OPLAH: variants seen among roughly 807,000 people sequenced by gnomAD.
The protein encoded by OPLAH is 5-oxoprolinase, ATP-hydrolysing, also known as 5-oxoprolinase.
A neutral mutation model predicts 122.8 loss-of-function variants in OPLAH; 103 were observed. The ratio of observed to expected loss-of-function variants is 0.84; its 90% CI spans 0.71 to 0.99. The LOEUF is 0.99. Ranked by LOEUF, OPLAH falls within the 50% of genes least tolerant of loss-of-function variation. The pLI is 0.00. For missense variants in OPLAH, 1,902 were observed against 1,836.5 expected, an observed-to-expected ratio of 1.04 and a Z score of -0.65; for synonymous variants, 875 against 796.0, an observed-to-expected ratio of 1.10 and a Z score of -1.67.
Position 144,051,661 on chromosome 8 carries a change from C to A in OPLAH, c.3720+68G>T, listed in dbSNP as rs1587549071. On this transcript the variant is annotated intron_variant, in intron 26 of 26. Transcript: ENST00000618853. ...GCCTCTGGTCAGGTCTGCAACTGTT[C>A]CCCCTCTGTGGGATGGGGCCGGGAG... 3.0e-6 allele frequency: 4 copies of A among 1,353,012 alleles called. No individual in the cohort carries two copies. In the Admixed American group the frequency reaches 7.9e-5, roughly 27 times the overall value. The allele number at this position is 1,353,012 out of a possible 1,614,324, so 83.8% of individuals were successfully genotyped here.
At chr8:144,057,167 C>T (rs930510834) in intron 11 of OPLAH, 41 bp downstream of exon 11, 15 of 1,599,806 alleles carry the variant, frequency 9.4e-6, no homozygotes, top group South Asian at 3.4e-5. Flanking sequence ...CCAAGCCCGG[C>T]GCAGATCACA....
Position 144,052,536 on chromosome 8 carries a change from CT to C in OPLAH, c.3215del (p.Glu1072GlyfsTer33), listed in dbSNP as rs1835408756. On this transcript the variant is annotated frameshift_variant, in exon 23 of 27. Transcript: ENST00000618853. LOFTEE classifies it high-confidence loss of function. Reference sequence around the variant, plus strand: ...GCACGTTGCCGCCCACCACCGCCGCCTCGGGCGACGGGTCCAGGATGGAGCC... The same window carrying C: ...GCACGTTGCCGCCCACCACCGCCGCCCGGGCGACGGGTCCAGGATGGAGCC... ...PRGSILDPSP[E>X]AAVVGGNVLT... 6.3e-7 allele frequency: 1 copy of C among 1,593,214 alleles called. No individual in the cohort carries two copies. The highest frequency in any genetic ancestry group is 8.5e-7 in the Non-Finnish European group (1 of 1,176,004).
At chr8:144,056,575 G>A in intron 13 of OPLAH, 43 bp downstream of exon 13, 1 of 1,612,338 alleles carries the variant, frequency 6.2e-7, no homozygotes, top group Admixed American at 1.7e-5. Context: ...CGGCCAGACA[G>A]GAGGGCCCCT....
intron 3 of OPLAH, among the ~76,000 whole-genome samples, chr8:144,059,325 C>T (rs1387198364): frequency 1.3e-5 from 2 of 152,324 alleles, no homozygotes; most frequent in African/African-American, 2.4e-5. Context: ...GCAGTAGGTG[C>T]GGGGTTCCAC....
At chr8:144,060,479 A>T (rs938492479) in intron 1 of OPLAH, among the ~76,000 whole-genome samples, 174 bp downstream of exon 1, 2 of 152,082 alleles carry the variant, frequency 1.3e-5, no homozygotes, top group African/African-American at 4.8e-5. Context: ...TCGACCTTCG[A>T]CCCAAGCCTG....
rs941213182 is a variant in OPLAH at position 144,054,621 on chromosome 8, G to T, written c.2626C>A (p.Gln876Lys). 3 of 1,609,478 alleles carry T rather than the reference G, an allele frequency of 1.9e-6. No individual in the cohort carries two copies. Among genetic ancestry groups the T allele is most frequent in the Non-Finnish European group, 2.5e-6 (3 of 1,177,282 alleles). ...SMPPHSTMLQ[Q>K]EGAVFLSFKL... Reference sequence around the variant, plus strand: ...AAGGACAGAAAGACGGCACCCTCCTGTTGCAGCATGGTGGAGTGGGGGGGC... The same window carrying T: ...AAGGACAGAAAGACGGCACCCTCCTTTTGCAGCATGGTGGAGTGGGGGGGC... The change falls in exon 19 of 27, where the codon CAG becomes AAG. Residue 876 changes from glutamine to lysine, a missense_variant. This residue lies in a region of OPLAH where 1,726 missense variants were observed against 1,642.1 expected (regional missense o/e 1.05). Transcript: ENST00000618853.
chr8:144,060,020 C>T lies in OPLAH; in HGVS notation c.13G>A (p.Glu5Lys), dbSNP rs1554760542. The T allele has an allele frequency of 1.9e-6, 3 of 1,612,104 alleles. No homozygotes were observed. Among genetic ancestry groups the T allele is most frequent in the Non-Finnish European group, 2.5e-6 (3 of 1,179,570 alleles). ...TCGATGGCAAAGTGGAAGCGGCCCT[C>T]GGGGCTGCCCATGGTGGTGGGGCTG... is the stretch of plus-strand genomic sequence containing the variant. The part of the protein sequence containing the change: MGSP[E>K]GRFHFAIDRG... Residue 5 changes from glutamate (E) to lysine (K), a missense_variant, in exon 2 of 27, where the codon GAG (glutamate) becomes AAG (lysine). This residue lies in a region of OPLAH where 168 missense variants were observed against 170.6 expected (regional missense o/e 0.98). Coordinates refer to ENST00000618853, the MANE Select transcript of OPLAH (RefSeq NM_017570.5).
rs1357923010 is a variant in OPLAH, at chr8:144,052,866, G to C, written c.3053C>G (p.Pro1018Arg). The C allele has an allele frequency of 3.2e-6, 5 of 1,554,182 alleles. No homozygotes were observed. Among genetic ancestry groups the C allele is most frequent in the Non-Finnish European group, 4.3e-6 (5 of 1,149,448 alleles). Residue 1018 changes from proline (P) to arginine (R), a missense_variant, in exon 22 of 27, where the codon CCG becomes CGG. By Grantham distance (103) the Pro-to-Arg change is moderately radical (BLOSUM62 -2). Coordinates refer to ENST00000618853, the MANE Select transcript of OPLAH (RefSeq NM_017570.5). Reference sequence around the variant, plus strand: ...TGCGTTGAGATTACCAAACACCTCCGGCCCAGTGCCGCTGAAGTCAAACAC... The same window carrying C: ...TGCGTTGAGATTACCAAACACCTCCCGCCCAGTGCCGCTGAAGTCAAACAC... ...SAVFDFSGTGPEVFGNLNAPR... is the reference protein window; with the variant it reads ...SAVFDFSGTGREVFGNLNAPR...
At chr8:144,052,148 G>A (rs782383992) in intron 24 of OPLAH, 21 bp downstream of exon 24, 1 of 1,555,580 alleles carries the variant, frequency 6.4e-7, no homozygotes, top group Non-Finnish European at 8.7e-7. Flanking sequence ...CGTGCCCCCA[G>A]CCTCCGCGCA....
rs1554759082 is a variant in OPLAH at position 144,056,391 on chromosome 8, C to T, written c.1977G>A (p.Val659=). The change falls in exon 14 of 27, where the codon GTG becomes GTA. Residue 659 remains valine, a synonymous_variant. Transcript: ENST00000618853. ...CACAGGCAGGACCACCAACCTTGTC[C>T]ACCCGGGGAGGCCCGGTCTGGGCTT... ...APKAQTGPPR[V]DKMTQCYFEG... 1.2e-6 allele frequency: 2 copies of T among 1,604,442 alleles called. No homozygotes were observed. Among genetic ancestry groups the T allele is most frequent in the Non-Finnish European group, 1.7e-6 (2 of 1,175,958 alleles).
chr8:144,054,522 C>T (rs1220158391), intron 19 of OPLAH, 39 bp downstream of exon 19: 3 of 1,533,744 alleles, frequency 2.0e-6, no homozygotes, highest in Middle Eastern at 3.6e-4. Flanking sequence ...CCATGTGTCC[C>T]AGCCTACAGA....
Position 144,056,127 on chromosome 8 carries a change from C to G in OPLAH, c.2096+20G>C. ...AGTGGACCCGTCCACATCCTCCACC[C>G]TGGCCGGACTTCAGCCCACCTGTTA... On this transcript the variant is annotated intron_variant, in intron 15 of 26. Transcript: ENST00000618853. The G allele has an allele frequency of 2.5e-6, 4 of 1,596,580 alleles. No individual in the cohort carries two copies. The highest frequency in any genetic ancestry group is 3.4e-6 in the Non-Finnish European group (4 of 1,167,046).
chr8:144,051,348 C>G lies in OPLAH; in HGVS notation c.3845G>C (p.Arg1282Pro). 1 of 1,611,420 alleles carries G rather than the reference C, an allele frequency of 6.2e-7. No homozygotes were observed. The highest frequency in any genetic ancestry group is 8.5e-7 in the Non-Finnish European group (1 of 1,179,290). Residue 1282 changes from arginine (R) to proline (P), a missense_variant, in exon 27 of 27, where the codon CGC becomes CCC. By Grantham distance (103) the Arg-to-Pro change is moderately radical. Around this residue, in one of 3 missense-constraint regions of OPLAH, gnomAD observed 1,726 missense variants for 1,642.1 expected, o/e 1.05. Coordinates refer to ENST00000618853, the MANE Select transcript of OPLAH (RefSeq NM_017570.5). ...FPEHGSVYEY[R>P]RAQEAV ...TCCTCACACGGCCTCCTGGGCCCGG[C>G]GATACTCATAGACGCTGCCGTGCTC...
chr8:144,057,368 A>G, intron 10 of OPLAH, 48 bp from the exon 11 acceptor site: 1 of 1,583,586 alleles, frequency 6.3e-7, no homozygotes, highest in Non-Finnish European at 8.6e-7. Context: ...TACCCCATCC[A>G]GCCCCCAGCC....
At position 144,058,727 on chromosome 8, in the gene OPLAH, C is replaced by T. The variant is rs782113457; in HGVS notation, c.588-36G>A. The T allele has an allele frequency of 5.1e-6, 8 of 1,581,570 alleles. No homozygotes were observed. In the Admixed American group the frequency reaches 5.2e-5, roughly 10 times the overall value. On this transcript the variant is annotated intron_variant, in intron 5 of 26. Coordinates refer to ENST00000618853, the MANE Select transcript of OPLAH (RefSeq NM_017570.5). ...AACCCAGTGGCACCTCGTCTCCCAC[C>T]AGGCCCGGCACCTGCTCCCGCAGCC...
rs782556478 is a variant in OPLAH, at chr8:144,051,830, C to A, written c.3623-4G>T. The A allele has an allele frequency of 7.4e-7, 1 of 1,344,392 alleles. No individual in the cohort carries two copies. The highest frequency in any genetic ancestry group is 9.6e-7 in the Non-Finnish European group (1 of 1,043,524). 83.3% of individuals were successfully genotyped at this position (1,344,392 alleles called of 1,614,324 possible). A position where few individuals can be genotyped will look rare whatever the true frequency, so the allele number is the denominator to read the frequency against. The stretch of plus-strand genomic sequence containing the variant: ...CCGCGGGCGCCAGGCTCGCCCCCTG[C>A]GGAGGGAGGCGAGGAGTCCAGAGAG... On this transcript the variant is annotated splice_polypyrimidine_tract_variant and splice_region_variant and intron_variant, in intron 25 of 26. Coordinates refer to ENST00000618853, the MANE Select transcript of OPLAH (RefSeq NM_017570.5).
downstream of OPLAH, chr8:144,050,343 G>A: frequency 1.0e-6 from 1 of 977,478 alleles, no homozygotes; most frequent in Non-Finnish European, 1.2e-6. Context: ...CGCCGCTGCT[G>A]GACTGGGCCG....
At position 144,055,760 on chromosome 8, in the gene OPLAH, C is replaced by T. The variant is rs781925639; in HGVS notation, c.2248+28G>A. ...CCATGACACAGCCGGCGCCTCATCC[C>T]ACAGGGAGCCTGGCAGCGGCCACTC... On this transcript the variant is annotated intron_variant, in intron 16 of 26. Coordinates refer to ENST00000618853, the MANE Select transcript of OPLAH (RefSeq NM_017570.5). This position sits in a 1 kb window ranked among gnomAD's most constrained non-coding sequence, Gnocchi z 6.5. 8.1e-6 allele frequency: 12 copies of T among 1,482,628 alleles called. No individual in the cohort carries two copies. The East Asian group carries it at 1.5e-4, about 19-fold the overall frequency. The allele number at this position is 1,482,628 out of a possible 1,614,324, so 91.8% of individuals were successfully genotyped here. A position where few individuals can be genotyped will look rare whatever the true frequency, so the allele number is the denominator to read the frequency against.
At chr8:144,051,690 AG>A in intron 26 of OPLAH, 38 bp downstream of exon 26, 1 of 1,136,632 alleles carries the variant, frequency 8.8e-7, no homozygotes. Flanking sequence ...CCGGGAGGGG[AG>A]GGGAGGGGAG....
Sources: gnomAD v4.1 joint callset for allele counts (sites outside exome capture counted in the v4.1 genomes callset) on GRCh38, gnomAD v4.1.1 for gene constraint, gnomAD v4.1.1 regional missense constraint, Gnocchi (gnomAD v3.1) non-coding constraint, MANE v1.5 for transcripts, NCBI Gene and HGNC (gene_info 2026-07-23, HGNC 2026-07-21) for gene names.